The following CYP2A7 variants were observed in gnomAD, a reference collection of about 807,000 sequenced individuals.
CYP2A7 encodes cytochrome P450 family 2 subfamily A member 7.
CYP2A7 carries 36 observed loss-of-function variants against 42.0 expected under a neutral mutation model. The ratio of observed to expected loss-of-function variants is 0.86; its 90% CI spans 0.66 to 1.13. CYP2A7 has a LOEUF of 1.13. Ranked by LOEUF, CYP2A7 falls within the 50% of genes most tolerant of loss-of-function variation. CYP2A7 has a pLI of 0.00. For synonymous variants in CYP2A7, 260 were observed against 249.5 expected, an observed-to-expected ratio of 1.04 and a Z score of -0.40; for missense variants, 661 against 634.1, an observed-to-expected ratio of 1.04 and a Z score of -0.46.
At chr19:40,876,461 G>C in intron 8 of CYP2A7, 66 bp downstream of exon 8, 1 of 1,609,024 alleles carries the variant, frequency 6.2e-7, no homozygotes, top group Non-Finnish European at 8.5e-7. Flanking sequence ...CGCAGAGAGG[G>C]GAGGTGGGTG....
intron 2 of CYP2A7, among the ~76,000 whole-genome samples, chr19:40,880,842 A>G (rs1351350798): frequency 2.8e-5 from 3 of 108,928 alleles, no homozygotes; most frequent in Admixed American, 9.1e-5. Flanking sequence ...AGAGAGAGAG[A>G]GAGAGAGAGA....
intron 6 of CYP2A7, 38 bp downstream of exon 6, chr19:40,877,814 G>A: frequency 1.4e-5 from 22 of 1,583,442 alleles, no homozygotes; most frequent in Non-Finnish European, 1.9e-5. Flanking sequence ...AATTTTGAGG[G>A]TCTGGGGCCC....
rs776761737 is a variant in CYP2A7 at position 40,881,701 on chromosome 19, C to A, written c.231G>T (p.Arg77=). ...CATCATGTCCACACAGCACCACGAC[C>A]CGCCGGGGCCCCAAGTGAATGGTGA... ...PVFTIHLGPR[R]VVVLCGHDAV... Residue 77 remains arginine (R), a synonymous_variant, in exon 2 of 9, where the codon CGG becomes CGT. Transcript: ENST00000301146. 6 of 1,612,434 alleles carry A rather than the reference C, an allele frequency of 3.7e-6. No individual in the cohort carries two copies. Among genetic ancestry groups the A allele is most frequent in the Admixed American group, 1.7e-5 (1 of 59,902 alleles).
At chr19:40,880,823 G>GAA (rs1568527981) in intron 2 of CYP2A7, among the ~76,000 whole-genome samples, 195 bp from the exon 3 acceptor site, 2 of 71,614 alleles carry the variant, frequency 2.8e-5, no homozygotes, top group African/African-American at 1.0e-4. Flanking sequence ...GAGAGAGAGA[G>GAA]AGAGAGAGAG....
At position 40,875,679 on chromosome 19, in the gene CYP2A7, G is replaced by A. The variant is rs766398583; in HGVS notation, c.*14C>T. ...TGGCCCCGCCCACCAGACCTGCACC[G>A]GCACAGCCCTCGCTCAGCGGGGCAG... On this transcript the variant is annotated 3_prime_UTR_variant, in exon 9 of 9. Transcript: ENST00000301146. 1.1e-4 allele frequency: 173 copies of A among 1,610,838 alleles called. 1 individual carries two copies. Among genetic ancestry groups the A allele is most frequent in the Admixed American group, 4.9e-4 (29 of 59,548 alleles).
rs1967707919 is a variant in CYP2A7 at position 40,882,075 on chromosome 19, A to C, written c.136T>G (p.Tyr46Asp). 4 of 1,613,840 alleles carry C rather than the reference A, an allele frequency of 2.5e-6. No homozygotes were observed. The highest frequency in any genetic ancestry group is 3.4e-6 in the Non-Finnish European group (4 of 1,179,908). The change falls in exon 1 of 9, where the codon TAC becomes GAC. Residue 46 changes from tyrosine to aspartate, a missense_variant. This residue lies in a region of CYP2A7 where 614 missense variants were observed against 552.4 expected (regional missense o/e 1.11). Coordinates refer to ENST00000301146, the MANE Select transcript of CYP2A7 (RefSeq NM_000764.3). The stretch of plus-strand genomic sequence containing the variant: ...ATGTGCTCTGTGTTCAGCTGGAGGT[A>C]GTTTCCAATGAAGGGCAGTGGGGTG... ...GPTPLPFIGN[Y>D]LQLNTEHICD...
At chr19:40,878,034 G>A (rs181320526) in intron 5 of CYP2A7, 41 bp from the exon 6 acceptor site, 2 of 1,582,622 alleles carry the variant, frequency 1.3e-6, no homozygotes, top group East Asian at 4.5e-5. Context: ...CACTCCTCTT[G>A]CCCTCAGGGC....
rs192748618 is a variant in CYP2A7, at chr19:40,877,335, C to T, written c.1016G>A (p.Arg339Gln). The change falls in exon 7 of 9, where the codon CGG becomes CAG. Residue 339 changes from arginine (R) to glutamine (Q), a missense_variant. Transcript: ENST00000301146. ...EEIDRVIGKNRQPKFEDRTKM... is the reference protein window; with the variant it reads ...EEIDRVIGKNQQPKFEDRTKM... ...GGTCCGGTCCTCAAACTTGGGCTGC[C>T]GGTTCTTGCCGATCACTCTGTCAAT... 28 of 1,612,482 alleles carry T rather than the reference C, an allele frequency of 1.7e-5. 1 individual carries two copies. Among genetic ancestry groups the T allele is most frequent in the South Asian group, 4.4e-5 (4 of 91,008 alleles).
chr19:40,877,176 G>A lies in CYP2A7; in HGVS notation c.1161+14C>T. 7.4e-6 allele frequency: 12 copies of A among 1,611,924 alleles called. 2 individuals carry two copies. The highest frequency in any genetic ancestry group is 1.0e-5 in the Non-Finnish European group (12 of 1,178,430). On this transcript the variant is annotated intron_variant, in intron 7 of 8. Coordinates refer to ENST00000301146, the MANE Select transcript of CYP2A7 (RefSeq NM_000764.3). Reference sequence around the variant, plus strand: ...TGGAAGTCCCCGTAGTCTAGGGGGTGGGGAGGATAGCACCTTAGGGAGGAA... The same window carrying A: ...TGGAAGTCCCCGTAGTCTAGGGGGTAGGGAGGATAGCACCTTAGGGAGGAA...
chr19:40,877,235 G>A lies in CYP2A7; in HGVS notation c.1116C>T (p.Arg372=). ...FGDVIPMSLA[R]RVKKDTKFRD... is the part of the protein sequence containing the mutation. ...GAAACTTGGTGTCCTTTTTAACCCT[G>A]CGGGCCAAACTCATGGGGATCACGT... is the stretch of plus-strand genomic sequence containing the variant. Residue 372 remains arginine, a synonymous_variant, in exon 7 of 9, where the codon CGC becomes CGT. Coordinates refer to ENST00000301146, the MANE Select transcript of CYP2A7 (RefSeq NM_000764.3). The A allele has an allele frequency of 6.2e-7, 1 of 1,612,760 alleles. No homozygotes were observed. Among genetic ancestry groups the A allele is most frequent in the Non-Finnish European group, 8.5e-7 (1 of 1,179,158 alleles).
chr19:40,877,412 G>T (rs767138732), intron 6 of CYP2A7, 35 bp from the exon 7 acceptor site: 1 of 1,606,138 alleles, frequency 6.2e-7, no homozygotes, highest in Non-Finnish European at 8.5e-7. Context: ...TAGGTATCTG[G>T]GAGTCTCAGA....
At chr19:40,879,722 C>T (rs2644904) in intron 4 of CYP2A7, among the ~76,000 whole-genome samples, 75,335 of 150,814 alleles carry the variant, frequency 0.5, 19,635 homozygotes, top group Admixed American at 0.62. Flanking sequence ...GGTGTTCAGG[C>T]ATGCAGGAGG....
chr19:40,875,556 C>T lies in CYP2A7; in HGVS notation c.*137G>A. The T allele has an allele frequency of 7.3e-7, 1 of 1,364,990 alleles. No individual in the cohort carries two copies. The highest frequency in any genetic ancestry group is 9.9e-7 in the Non-Finnish European group (1 of 1,006,072). 84.6% of individuals were successfully genotyped at this position (1,364,990 alleles called of 1,614,324 possible). A position where few individuals can be genotyped will look rare whatever the true frequency, so the allele number is the denominator to read the frequency against. On this transcript the variant is annotated 3_prime_UTR_variant, in exon 9 of 9. Coordinates refer to ENST00000301146, the MANE Select transcript of CYP2A7 (RefSeq NM_000764.3). ...GTGAACTGAGCCGCTTCTGTTTCTTCTCTTCCCTCTAGCCACCACGCCCCT... is the reference window on the plus strand; with the variant it reads ...GTGAACTGAGCCGCTTCTGTTTCTTTTCTTCCCTCTAGCCACCACGCCCCT...
chr19:40,881,906 G>C, intron 1 of CYP2A7, 125 bp downstream of exon 1: 1 of 1,502,566 alleles, frequency 6.7e-7, no homozygotes, highest in Middle Eastern at 1.9e-4. Flanking sequence ...CTAGGACCCG[G>C]ATGCTGAAAC....
At chr19:40,880,362 G>T (rs1967627748) in intron 3 of CYP2A7, 117 bp downstream of exon 3, 1 of 1,544,896 alleles carries the variant, frequency 6.5e-7, no homozygotes, top group Non-Finnish European at 8.8e-7. Flanking sequence ...AGACTCCAGG[G>T]CTGGAAGTGC....
intron 2 of CYP2A7, 58 bp from the exon 3 acceptor site, chr19:40,880,686 A>G: frequency 6.4e-7 from 1 of 1,558,594 alleles, no homozygotes; most frequent in East Asian, 2.3e-5. Context: ...GCAGGAGCGG[A>G]CCAGTTCCAA....
intron 7 of CYP2A7, 113 bp downstream of exon 7, chr19:40,877,077 G>C: frequency 1.6e-6 from 2 of 1,243,912 alleles, no homozygotes; most frequent in South Asian, 2.7e-5. Context: ...AGTCCTTTTT[G>C]ACTGATTGAG....
Position 40,875,602 on chromosome 19 carries a change from C to T in CYP2A7, c.*91G>A. ...CCCCTTCCTTTCCCGCATCTTCCCCCCATTCTTATACCCGCCTCTTCCGCG... is the reference window on the plus strand; with the variant it reads ...CCCCTTCCTTTCCCGCATCTTCCCCTCATTCTTATACCCGCCTCTTCCGCG... On this transcript the variant is annotated 3_prime_UTR_variant, in exon 9 of 9. Transcript: ENST00000301146. 9 of 1,593,700 alleles carry T rather than the reference C, an allele frequency of 5.6e-6. No individual in the cohort carries two copies. Among genetic ancestry groups the T allele is most frequent in the East Asian group, 2.2e-5 (1 of 44,702 alleles).
At chr19:40,880,780 C>T in intron 2 of CYP2A7, 152 bp from the exon 3 acceptor site, 2 of 107,556 alleles carry the variant, frequency 1.9e-5, no homozygotes, top group Non-Finnish European at 1.4e-5. Context: ...GGTGCAAACT[C>T]AGTCAGAGAA....
Sources: gnomAD v4.1 joint callset for allele counts (sites outside exome capture counted in the v4.1 genomes callset) on GRCh38, gnomAD v4.1.1 for gene constraint, gnomAD v4.1.1 regional missense constraint, MANE v1.5 for transcripts, NCBI Gene and HGNC (gene_info 2026-07-23, HGNC 2026-07-21) for gene names.